The following REEP3 variants were observed in gnomAD, a reference collection of about 807,000 sequenced individuals.
REEP3 encodes receptor accessory protein 3.
In REEP3, 20 loss-of-function variants were observed where a neutral mutation model predicts 41.3. That is an observed-to-expected ratio of 0.48 (90% CI 0.34 to 0.70). REEP3 has a LOEUF of 0.70. Ranked by LOEUF, REEP3 falls within the 30% of genes least tolerant of loss-of-function variation. The probability of loss-of-function intolerance (pLI) is 0.01; values close to 1 mark genes in which losing one functional copy is unlikely to be tolerated. For missense variants in REEP3, 271 were observed against 308.8 expected (o/e 0.88, Z 0.92); for synonymous variants, 104 against 101.8 (o/e 1.02, Z -0.13).
chr10:63,620,972 AT>A lies in REEP3; in HGVS notation c.*105del. 3.0e-6 allele frequency: 2 copies of A among 660,118 alleles called. No individual in the cohort carries two copies. Among genetic ancestry groups the A allele is most frequent in the Non-Finnish European group, 4.9e-6 (2 of 405,594 alleles). 40.9% of individuals were successfully genotyped at this position (660,118 alleles called of 1,614,324 possible). On this transcript the variant is annotated 3_prime_UTR_variant, in exon 8 of 8. Transcript: ENST00000373758. ...TTTACACATTAAAATGATTATTTAA[AT>A]TGTGGCAGTGATGGGGTTTACTTTC...
At chr10:63,596,370 T>C (rs1374892052) in intron 3 of REEP3, among the ~76,000 whole-genome samples, 1 of 152,094 alleles carries the variant, frequency 6.6e-6, no homozygotes, top group Non-Finnish European at 1.5e-5. Flanking sequence ...TTCATTTTTT[T>C]CTGATTGCAA....
At chr10:63,594,698 AATACATAC>A in intron 2 of REEP3, 72 bp from the exon 3 acceptor site, 4 of 875,764 alleles carry the variant, frequency 4.6e-6, no homozygotes, top group Non-Finnish European at 5.7e-6. Flanking sequence ...GAAATCCAGA[AATACATAC>A]ATACATACAT....
chr10:63,543,657 A>AT (rs1158638214), intron 1 of REEP3, among the ~76,000 whole-genome samples: 5 of 152,200 alleles, frequency 3.3e-5, no homozygotes, highest in Admixed American at 1.3e-4. Context: ...AAAGAAAGGG[A>AT]TTTTTTTCTT....
intron 1 of REEP3, among the ~76,000 whole-genome samples, chr10:63,533,031 G>C (rs1955438682): frequency 1.3e-5 from 2 of 152,236 alleles, no homozygotes; most frequent in South Asian, 4.1e-4. Flanking sequence ...AAGGAAGCCA[G>C]TTTTATTCCA....
At chr10:63,590,122 G>A (rs1265199611) in intron 2 of REEP3, among the ~76,000 whole-genome samples, 3 of 152,228 alleles carry the variant, frequency 2.0e-5, no homozygotes, top group Non-Finnish European at 4.4e-5. Flanking sequence ...TTAGGGACGG[G>A]ATCTCATTAT....
intron 1 of REEP3, among the ~76,000 whole-genome samples, chr10:63,564,601 C>T (rs753834805): frequency 6.0e-5 from 9 of 150,036 alleles, no homozygotes; most frequent in Non-Finnish European, 8.9e-5. Context: ...CCAGTCTGGG[C>T]GACGGCGAGA....
intron 1 of REEP3, among the ~76,000 whole-genome samples, chr10:63,558,367 A>G (rs755573125): frequency 3.7e-4 from 56 of 152,212 alleles, no homozygotes; most frequent in African/African-American, 1.3e-3. Flanking sequence ...TGATCACAAG[A>G]AGGAGGAGTA....
intron 1 of REEP3, among the ~76,000 whole-genome samples, chr10:63,534,243 A>AT (rs1298316635): frequency 5.3e-5 from 8 of 151,418 alleles, no homozygotes; most frequent in East Asian, 1.9e-4. Context: ...AAGTATTATT[A>AT]TTTTTTATTT....
intron 1 of REEP3, among the ~76,000 whole-genome samples, chr10:63,564,982 G>T (rs1400050234): frequency 6.6e-6 from 1 of 152,182 alleles, no homozygotes. Flanking sequence ...TACTGGCAGG[G>T]CATGGTGGCT....
At chr10:63,577,170 A>G (rs1463125221) in intron 2 of REEP3, among the ~76,000 whole-genome samples, 1 of 152,222 alleles carries the variant, frequency 6.6e-6, no homozygotes, top group Admixed American at 6.5e-5. Flanking sequence ...CCAGCATCCT[A>G]CTAGGAGAAT....
chr10:63,538,637 G>C (rs2133348314), intron 1 of REEP3, among the ~76,000 whole-genome samples: 1 of 152,260 alleles, frequency 6.6e-6, no homozygotes, highest in African/African-American at 2.4e-5. Flanking sequence ...GGGAGGCTGA[G>C]GCAGGAGAAT....
chr10:63,580,539 A>G (rs765043455), intron 2 of REEP3, among the ~76,000 whole-genome samples: 7 of 151,622 alleles, frequency 4.6e-5, no homozygotes, highest in Non-Finnish European at 8.9e-5. Context: ...AAAAATAAAA[A>G]CAAAATCAGG....
chr10:63,522,054 C>T (rs148911530), intron 1 of REEP3, among the ~76,000 whole-genome samples: 81 of 152,214 alleles, frequency 5.3e-4, no homozygotes, highest in Middle Eastern at 3.4e-3. Context: ...CAGTGCCGAG[C>T]CTTTGTATCC....
chr10:63,589,600 C>T (rs112974285), intron 2 of REEP3, among the ~76,000 whole-genome samples: 270 of 152,224 alleles, frequency 1.8e-3, no homozygotes, highest in African/African-American at 6.3e-3. Context: ...ACCTCCTTCT[C>T]ACCTAGATAT....
At chr10:63,604,870 C>T (rs1243729120) in intron 5 of REEP3, among the ~76,000 whole-genome samples, 3 of 152,060 alleles carry the variant, frequency 2.0e-5, no homozygotes, top group African/African-American at 7.2e-5. Flanking sequence ...ACTTGTAAAA[C>T]GAAGAGGTGA....
rs1312997017 is a variant in REEP3 at position 63,621,686 on chromosome 10, T to C, written c.*817T>C. ...ACAAATAAGAAGTTGCTTTAAACAT[T>C]AACCAATTTTCTATATTTAGCTATA... On this transcript the variant is annotated 3_prime_UTR_variant, in exon 8 of 8. Coordinates refer to ENST00000373758, the MANE Select transcript of REEP3 (RefSeq NM_001001330.3). 3 of 152,616 alleles carry C rather than the reference T, an allele frequency of 2.0e-5. No individual in the cohort carries two copies. Among genetic ancestry groups the C allele is most frequent in the African/African-American group, 7.2e-5 (3 of 41,456 alleles). The allele number at this position is 152,616 out of a possible 1,614,324, so 9.5% of individuals were successfully genotyped here.
chr10:63,621,033 G>A lies in REEP3; in HGVS notation c.*164G>A, dbSNP rs1000265704. ...AATTGTTTTTATTTCTGTAACAATT[G>A]CTTCCAAATATTGACTACTAAAGGC... On this transcript the variant is annotated 3_prime_UTR_variant, in exon 8 of 8. Transcript: ENST00000373758. 6.1e-6 allele frequency: 3 copies of A among 490,546 alleles called. No individual in the cohort carries two copies. Among genetic ancestry groups the A allele is most frequent in the Middle Eastern group, 4.1e-4 (1 of 2,460 alleles). 30.4% of individuals were successfully genotyped at this position (490,546 alleles called of 1,614,324 possible). A position where few individuals can be genotyped will look rare whatever the true frequency, so the allele number is the denominator to read the frequency against.
At chr10:63,587,443 G>T (rs1484707622) in intron 2 of REEP3, among the ~76,000 whole-genome samples, 1 of 152,216 alleles carries the variant, frequency 6.6e-6, no homozygotes, top group African/African-American at 2.4e-5. Context: ...CACTGCTGCT[G>T]TGGCCTTGCT....
intron 2 of REEP3, among the ~76,000 whole-genome samples, chr10:63,568,265 G>A (rs1048761595): frequency 6.7e-6 from 1 of 148,916 alleles, no homozygotes; most frequent in African/African-American, 2.5e-5. Context: ...ACTAATCCTT[G>A]TTTGTTTTTT....
Sources: allele counts gnomAD v4.1 joint callset (sites outside exome capture counted in the v4.1 genomes callset), GRCh38; gene constraint gnomAD v4.1.1; transcripts MANE v1.5; gene names NCBI Gene and HGNC (gene_info 2026-07-23, HGNC 2026-07-21).